Variants in CMSS1 observed in about 807,000 individuals in gnomAD.
CMSS1 encodes protein CMSS1.
Under a neutral mutation model 43.5 loss-of-function variants are expected in CMSS1, and 33 were observed. The observed-to-expected ratio is 0.76, with a 90% CI of 0.57 to 1.01. CMSS1 has a LOEUF of 1.01. CMSS1 is among the 50% of genes least tolerant of loss of function. CMSS1 has a pLI of 0.00. For missense variants in CMSS1, 313 were observed against 326.4 expected (o/e 0.96, Z 0.32); for synonymous variants, 115 against 117.2 (o/e 0.98, Z 0.12).
At chr3:99,971,297 G>A (rs924201478) in intron 1 of CMSS1, among the ~76,000 whole-genome samples, 5 of 146,710 alleles carry the variant, frequency 3.4e-5, no homozygotes, top group Non-Finnish European at 5.9e-5. Flanking sequence ...CCAAGATCGT[G>A]CCACTGCCCA....
At chr3:99,971,906 G>T (rs1161068973) in intron 1 of CMSS1, among the ~76,000 whole-genome samples, 4 of 152,204 alleles carry the variant, frequency 2.6e-5, no homozygotes, top group African/African-American at 9.7e-5. Flanking sequence ...TTTGGTACAG[G>T]TAGGATTATG....
chr3:100,143,611 T>C (rs1261588393), intron 1 of CMSS1, among the ~76,000 whole-genome samples: 1 of 152,220 alleles, frequency 6.6e-6, no homozygotes, highest in Non-Finnish European at 1.5e-5. Context: ...ATTTTCTATC[T>C]AGTCATTCTC....
chr3:100,121,490 T>C (rs1329794659), intron 1 of CMSS1, among the ~76,000 whole-genome samples: 2 of 152,206 alleles, frequency 1.3e-5, no homozygotes, highest in Non-Finnish European at 2.9e-5. Context: ...CAGTCTATCA[T>C]TGATGGACAT....
chr3:99,973,478 A>G (rs1013812101), intron 1 of CMSS1, among the ~76,000 whole-genome samples: 19 of 152,330 alleles, frequency 1.2e-4, no homozygotes, highest in African/African-American at 3.8e-4. Context: ...ATACATATGA[A>G]AATTCCTCTG....
intron 1 of CMSS1, among the ~76,000 whole-genome samples, chr3:99,846,289 C>A (rs1313067829): frequency 6.6e-6 from 1 of 152,158 alleles, no homozygotes; most frequent in Non-Finnish European, 1.5e-5. Context: ...CATTATGTGA[C>A]AAAGTTGGGA....
intron 2 of CMSS1, 63 bp from the exon 3 acceptor site, chr3:100,160,367 A>C (rs1308503961): frequency 1.2e-6 from 1 of 803,008 alleles, no homozygotes; most frequent in Non-Finnish European, 2.1e-6. Context: ...TTTGGGGTTC[A>C]TGCCACTAAT....
At chr3:100,141,519 C>A (rs749107091) in intron 1 of CMSS1, 1 of 456,074 alleles carries the variant, frequency 2.2e-6, no homozygotes, top group South Asian at 1.6e-5. Flanking sequence ...ACTGTATGAT[C>A]CCATTGCCAG....
intron 1 of CMSS1, among the ~76,000 whole-genome samples, chr3:99,915,065 T>C (rs1647565776): frequency 6.6e-6 from 1 of 152,172 alleles, no homozygotes. Flanking sequence ...TTCTTCTAGC[T>C]CCATGATAAG....
intron 1 of CMSS1, among the ~76,000 whole-genome samples, chr3:100,001,741 G>T (rs1320996648): frequency 6.6e-6 from 1 of 152,144 alleles, no homozygotes; most frequent in Non-Finnish European, 1.5e-5. Flanking sequence ...ATACCTGTAG[G>T]TTGGATCCTT....
At position 100,029,532 on chromosome 3, in the gene CMSS1, C is replaced by T. The variant is rs76522319; in HGVS notation, c.65-117441C>T. Reference sequence around the variant, plus strand: ...ATAGCCTATATATACATAGACCATACCAGTGTGCATTAATTGGAGTTTATT... The same window carrying T: ...ATAGCCTATATATACATAGACCATATCAGTGTGCATTAATTGGAGTTTATT... On this transcript the variant is annotated intron_variant, in intron 1 of 9. Transcript: ENST00000421999. Among the ~76,000 whole-genome samples the T allele has an allele frequency of 2.7e-3, 416 of 152,182 alleles. 2 individuals are homozygous for T. The highest frequency in any genetic ancestry group is 9.5e-3 in the African/African-American group (396 of 41,530).
At chr3:100,175,450 G>A (rs1027845379) in intron 8 of CMSS1, among the ~76,000 whole-genome samples, 2 of 152,152 alleles carry the variant, frequency 1.3e-5, no homozygotes, top group African/African-American at 2.4e-5. Context: ...TTTCCTGAGA[G>A]CAGTTATATT....
chr3:99,854,975 G>C (rs1391466483), intron 1 of CMSS1, among the ~76,000 whole-genome samples: 2 of 152,134 alleles, frequency 1.3e-5, no homozygotes, highest in Non-Finnish European at 2.9e-5. Flanking sequence ...TCTGGGGTGG[G>C]CCTCACAATT....
intron 4 of CMSS1, 67 bp from the exon 5 acceptor site, chr3:100,166,268 T>C (rs1469193956): frequency 1.1e-5 from 11 of 1,040,858 alleles, no homozygotes; most frequent in Non-Finnish European, 1.5e-5. Context: ...ATAACTCACA[T>C]ATAATCTGTT....
intron 1 of CMSS1, among the ~76,000 whole-genome samples, chr3:100,090,580 TTCTC>T (rs2066086926): frequency 6.6e-6 from 1 of 152,224 alleles, no homozygotes; most frequent in Non-Finnish European, 1.5e-5. Flanking sequence ...CCTGGGCTCT[TTCTC>T]TGCAACACTA....
chr3:99,895,138 A>C (rs1329126623), intron 1 of CMSS1, among the ~76,000 whole-genome samples: 1 of 152,152 alleles, frequency 6.6e-6, no homozygotes, highest in Non-Finnish European at 1.5e-5. Context: ...TTCACAACTC[A>C]GGTGTTCATA....
At chr3:100,081,448 C>G (rs912392355) in intron 1 of CMSS1, among the ~76,000 whole-genome samples, 1 of 152,146 alleles carries the variant, frequency 6.6e-6, no homozygotes, top group African/African-American at 2.4e-5. Context: ...ATGCTAGTCT[C>G]TTAGAGGAAT....
rs532047035 is a variant in CMSS1, at chr3:100,058,432, A to G, written c.65-88541A>G. Among the ~76,000 whole-genome samples the G allele has an allele frequency of 1.6e-4, 25 of 152,342 alleles. No homozygotes were observed. The East Asian group carries it at 3.7e-3, about 22-fold the overall frequency. ...AAGGCAGGCAGAGAAAAGTTGACAC[A>G]TAGTTAAGTGAGGCACAAGTCTGTT... On this transcript the variant is annotated intron_variant, in intron 1 of 9. Coordinates refer to ENST00000421999, the MANE Select transcript of CMSS1 (RefSeq NM_032359.4).
At chr3:99,992,833 A>G (rs925925687) in intron 1 of CMSS1, among the ~76,000 whole-genome samples, 4 of 151,954 alleles carry the variant, frequency 2.6e-5, no homozygotes, top group Non-Finnish European at 5.9e-5. Flanking sequence ...TCTTGGGTTA[A>G]TTTTTGTATG....
chr3:99,820,153 C>T (rs1942406671), intron 1 of CMSS1, among the ~76,000 whole-genome samples: 1 of 152,000 alleles, frequency 6.6e-6, no homozygotes, highest in Non-Finnish European at 1.5e-5. Flanking sequence ...GTTGGAGTGC[C>T]TAAGATTGCT....
Sources: gnomAD v4.1 joint callset for allele counts (sites outside exome capture counted in the v4.1 genomes callset) on GRCh38, gnomAD v4.1.1 for gene constraint, MANE v1.5 for transcripts, NCBI Gene and HGNC (gene_info 2026-07-23, HGNC 2026-07-21) for gene names.